SUMF1: variants seen among roughly 807,000 people sequenced by gnomAD.
The protein encoded by SUMF1 is sulfatase modifying factor 1.
A neutral mutation model predicts 47.6 loss-of-function variants in SUMF1; 48 were observed. That is an observed-to-expected ratio of 1.01 (90% CI 0.80 to 1.28). The LOEUF (loss-of-function observed/expected upper bound fraction) is 1.28. SUMF1 is among the 50% of genes most tolerant of loss of function. SUMF1 has a pLI of 0.00. For missense variants in SUMF1, 571 were observed against 485.4 expected (o/e 1.18, Z -1.66); for synonymous variants, 230 against 192.1 (o/e 1.20, Z -1.63).
intron 8 of SUMF1, among the ~76,000 whole-genome samples, chr3:4,200,798 TC>T (rs1486381435): frequency 6.6e-6 from 1 of 152,130 alleles, no homozygotes; most frequent in Non-Finnish European, 1.5e-5. Flanking sequence ...ACCAAATTGT[TC>T]CAGCATGTTT....
intron 7 of SUMF1, among the ~76,000 whole-genome samples, chr3:4,388,272 C>T (rs1363689219): frequency 6.6e-6 from 1 of 152,072 alleles, no homozygotes; most frequent in Non-Finnish European, 1.5e-5. Flanking sequence ...CACAGTATTA[C>T]TATGTCCTCT....
chr3:4,074,168 A>G (rs1692357611), intron 8 of SUMF1, among the ~76,000 whole-genome samples: 2 of 151,956 alleles, frequency 1.3e-5, no homozygotes, highest in South Asian at 2.1e-4. Flanking sequence ...TCAAATTAGA[A>G]CTCTGGATTA....
intron 8 of SUMF1, among the ~76,000 whole-genome samples, chr3:4,255,695 A>G (rs372213251): frequency 0.011 from 1,482 of 139,786 alleles, 34 homozygotes; most frequent in South Asian, 0.038. Context: ...TGTCAACATT[A>G]GACAGATCAA....
intron 8 of SUMF1, among the ~76,000 whole-genome samples, chr3:4,143,686 A>C (rs1287438250): frequency 6.6e-6 from 1 of 152,082 alleles, no homozygotes; most frequent in Non-Finnish European, 1.5e-5. Context: ...TATCTCTTTC[A>C]TTCTTATATA....
chr3:4,271,516 TA>T (rs1425678319), intron 8 of SUMF1, among the ~76,000 whole-genome samples: 1 of 72,100 alleles, frequency 1.4e-5, no homozygotes, highest in Non-Finnish European at 3.7e-5. Flanking sequence ...GATAGATAGA[TA>T]GATACAGAGA....
At chr3:4,127,563 C>T (rs773846262) in intron 8 of SUMF1, among the ~76,000 whole-genome samples, 3 of 152,126 alleles carry the variant, frequency 2.0e-5, no homozygotes, top group Non-Finnish European at 2.9e-5. Flanking sequence ...TCTCAAATAT[C>T]GGACTCCAAG....
At chr3:4,357,598 T>A (rs1175400353), downstream of SUMF1, among the ~76,000 whole-genome samples, 1 of 149,878 alleles carries the variant, frequency 6.7e-6, no homozygotes, top group Admixed American at 6.7e-5. Flanking sequence ...TATTTATTTA[T>A]TTATTTATTT....
intron 8 of SUMF1, among the ~76,000 whole-genome samples, chr3:4,083,842 A>G (rs1014968142): frequency 2.7e-5 from 4 of 149,834 alleles, no homozygotes. Context: ...GGCATGTCAA[A>G]AAAAAAAAAA....
intron 6 of SUMF1, among the ~76,000 whole-genome samples, chr3:4,411,714 A>C (rs1701549415): frequency 6.6e-6 from 1 of 151,850 alleles, no homozygotes; most frequent in South Asian, 2.1e-4. Context: ...GGAAAAAAAA[A>C]AAAAAAAAAC....
intron 8 of SUMF1, among the ~76,000 whole-genome samples, chr3:4,071,338 G>A (rs934232062): frequency 1.3e-5 from 2 of 152,176 alleles, no homozygotes; most frequent in Admixed American, 6.5e-5. Context: ...CCAAAGCAGG[G>A]TGGGGCATCG....
intron 8 of SUMF1, among the ~76,000 whole-genome samples, chr3:4,128,891 AG>A (rs1693720757): frequency 6.6e-6 from 1 of 152,116 alleles, no homozygotes; most frequent in Admixed American, 6.6e-5. Context: ...CAGTTAAAAA[AG>A]GTTCTAATAG....
At chr3:4,319,940 T>G (rs1421936365) in intron 8 of SUMF1, among the ~76,000 whole-genome samples, 1 of 152,150 alleles carries the variant, frequency 6.6e-6, no homozygotes, top group Non-Finnish European at 1.5e-5. Flanking sequence ...TATATGACAC[T>G]CTGGAAAAGA....
chr3:4,285,898 A>T (rs777904482), intron 8 of SUMF1, among the ~76,000 whole-genome samples: 14 of 152,198 alleles, frequency 9.2e-5, no homozygotes, highest in Non-Finnish European at 1.6e-4. Context: ...AGTATAAATT[A>T]TAATTTAAAT....
At chr3:4,174,712 G>A (rs370335847) in intron 8 of SUMF1, among the ~76,000 whole-genome samples, 13 of 152,132 alleles carry the variant, frequency 8.5e-5, no homozygotes, top group African/African-American at 3.1e-4. Flanking sequence ...CATGGAGGGT[G>A]AGCCAAAGCA....
Position 4,362,068 on chromosome 3 carries a change from G to T in SUMF1, c.*76C>A. ...GGGTGGGAATTCTTTGCATGGGATC[G>T]TTCAAAGTTCTGAGAAAAGCCCAAT... On this transcript the variant is annotated 3_prime_UTR_variant, in exon 9 of 9. Transcript: ENST00000272902. 1 of 1,412,388 alleles carries T rather than the reference G, an allele frequency of 7.1e-7. No individual in the cohort carries two copies. Among genetic ancestry groups the T allele is most frequent in the Non-Finnish European group, 1.0e-6 (1 of 1,001,912 alleles). 87.5% of individuals were successfully genotyped at this position (1,412,388 alleles called of 1,614,324 possible). A position where few individuals can be genotyped will look rare whatever the true frequency, so the allele number is the denominator to read the frequency against.
chr3:4,207,941 G>A (rs1695689353), intron 8 of SUMF1, among the ~76,000 whole-genome samples: 1 of 152,100 alleles, frequency 6.6e-6, no homozygotes, highest in African/African-American at 2.4e-5. Context: ...GGGAGAATGA[G>A]TCATAGGAGG....
At chr3:4,039,381 C>A in intron 9 of SUMF1, among the ~76,000 whole-genome samples, 1 of 62,984 alleles carries the variant, frequency 1.6e-5, no homozygotes, top group African/African-American at 5.3e-5. Context: ...CCTCCCCCGA[C>A]CCCACCACAG....
At chr3:4,305,995 G>C (rs1014812345) in intron 8 of SUMF1, among the ~76,000 whole-genome samples, 2 of 152,180 alleles carry the variant, frequency 1.3e-5, no homozygotes, top group Admixed American at 1.3e-4. Context: ...CACTGTTCTA[G>C]TCCATTCTTA....
chr3:4,253,692 C>A (rs1696866194), intron 8 of SUMF1, among the ~76,000 whole-genome samples: 1 of 150,812 alleles, frequency 6.6e-6, no homozygotes, highest in South Asian at 2.1e-4. Context: ...GGGAGGGGCG[C>A]CCGCCATTGG....
Sources: gnomAD v4.1 joint callset for allele counts (sites outside exome capture counted in the v4.1 genomes callset) on GRCh38, gnomAD v4.1.1 for gene constraint, MANE v1.5 for transcripts, NCBI Gene and HGNC (gene_info 2026-07-23, HGNC 2026-07-21) for gene names.